AGBL4: variants seen among roughly 807,000 people sequenced by gnomAD.
AGBL4 encodes the protein AGBL carboxypeptidase 4.
In AGBL4, 58 loss-of-function variants were observed where a neutral mutation model predicts 66.4. The observed-to-expected ratio is 0.87, with a 90% confidence interval of 0.71 to 1.09. The LOEUF (loss-of-function observed/expected upper bound fraction) is 1.09, where lower values mean the gene tolerates loss of function less well. AGBL4 is among the 50% of genes least tolerant of loss of function. AGBL4 has a pLI of 0.00. For missense variants in AGBL4, 579 were observed against 631.0 expected (o/e 0.92, Z 0.88); for synonymous variants, 234 against 222.9 (o/e 1.05, Z -0.44).
At chr1:48,845,781 C>T (rs1358272068) in intron 6 of AGBL4, among the ~76,000 whole-genome samples, 2 of 152,158 alleles carry the variant, frequency 1.3e-5, no homozygotes, top group African/African-American at 4.8e-5. Context: ...TTGCTACAGG[C>T]CATGAAACTT....
At chr1:49,113,832 G>A (rs575116792) in intron 4 of AGBL4, among the ~76,000 whole-genome samples, 10 of 152,220 alleles carry the variant, frequency 6.6e-5, no homozygotes, top group Admixed American at 6.5e-4. Flanking sequence ...TATTTTTGAA[G>A]AATTTTTTTT....
chr1:49,382,112 A>C (rs1467762889), intron 3 of AGBL4, among the ~76,000 whole-genome samples: 1 of 152,188 alleles, frequency 6.6e-6, no homozygotes. Context: ...TGGATAAAAA[A>C]GACTTCCACT....
chr1:49,358,910 G>A (rs529243437), intron 3 of AGBL4, among the ~76,000 whole-genome samples: 24 of 152,138 alleles, frequency 1.6e-4, no homozygotes, highest in Non-Finnish European at 3.5e-4. Context: ...CAGTTTATAT[G>A]GGTCTTACAT....
intron 3 of AGBL4, among the ~76,000 whole-genome samples, chr1:49,392,365 T>C (rs1281829200): frequency 6.6e-6 from 1 of 152,190 alleles, no homozygotes; most frequent in Non-Finnish European, 1.5e-5. Context: ...GCCCTCTAAA[T>C]GGCAGCTGTG....
intron 3 of AGBL4, among the ~76,000 whole-genome samples, chr1:49,355,077 C>T (rs946616115): frequency 3.3e-5 from 5 of 152,256 alleles, no homozygotes; most frequent in African/African-American, 4.8e-5. Context: ...ACCATGCAGA[C>T]ACGGGGAGAA....
At chr1:49,005,808 C>A (rs1353687397) in intron 5 of AGBL4, among the ~76,000 whole-genome samples, 2 of 152,086 alleles carry the variant, frequency 1.3e-5, no homozygotes, top group Non-Finnish European at 2.9e-5. Context: ...CAAGACCAGC[C>A]TGACCAACAT....
At chr1:49,347,558 T>C (rs1296973926) in intron 3 of AGBL4, among the ~76,000 whole-genome samples, 1 of 151,958 alleles carries the variant, frequency 6.6e-6, no homozygotes. Context: ...TTTCTTTACT[T>C]TCTTAATAAA....
At chr1:49,586,562 A>T (rs1423178735) in intron 3 of AGBL4, among the ~76,000 whole-genome samples, 2 of 152,204 alleles carry the variant, frequency 1.3e-5, no homozygotes, top group Non-Finnish European at 2.9e-5. Context: ...AGCTTTGCCC[A>T]AATTTATACA....
rs916845577 is a variant in AGBL4 at position 49,470,555 on chromosome 1, A to T, written c.283-224691T>A. On this transcript the variant is annotated intron_variant, in intron 3 of 13. Transcript: ENST00000371839. Reference sequence around the variant, plus strand: ...ACTTGACTCTGGAGGCAGAGCTAGGACACCAGACCAAATTGAGGACTAGCT... The same window carrying T: ...ACTTGACTCTGGAGGCAGAGCTAGGTCACCAGACCAAATTGAGGACTAGCT... Among the ~76,000 whole-genome samples, 11 of 152,128 alleles carry T rather than the reference A, an allele frequency of 7.2e-5. No individual in the cohort carries two copies. In the East Asian group the frequency reaches 2.1e-3, roughly 30 times the overall value.
rs555325826 is a variant in AGBL4 at position 49,461,755 on chromosome 1, G to T, written c.283-215891C>A. ...TCTTCTTGTGTTACTTTGCTGAGAA[G>T]GATGGTTTCCAGTTTCATCCAAGTC... On this transcript the variant is annotated intron_variant, in intron 3 of 13. Transcript: ENST00000371839. Among the ~76,000 whole-genome samples, 3 of 151,412 alleles carry T rather than the reference G, an allele frequency of 2.0e-5. No homozygotes were observed. The South Asian group carries it at 6.2e-4, about 32-fold the overall frequency.
chr1:49,120,169 C>T (rs963198299), intron 4 of AGBL4, among the ~76,000 whole-genome samples: 15 of 152,106 alleles, frequency 9.9e-5, no homozygotes, highest in Non-Finnish European at 1.9e-4. Context: ...AGCATTTAGC[C>T]CATTTACATT....
intron 1 of AGBL4, among the ~76,000 whole-genome samples, chr1:50,007,768 TA>T (rs1442770117): frequency 1.3e-5 from 2 of 151,168 alleles, no homozygotes; most frequent in African/African-American, 2.4e-5. Context: ...CCTGTCCAAA[TA>T]AAAGGGAAAA....
intron 1 of AGBL4, among the ~76,000 whole-genome samples, chr1:49,955,159 T>C (rs1656490652): frequency 2.6e-5 from 4 of 151,960 alleles, no homozygotes; most frequent in Non-Finnish European, 4.4e-5. Flanking sequence ...AATTATTGAA[T>C]CATATAAAAA....
chr1:48,751,957 C>CA (rs1436613084), intron 6 of AGBL4, among the ~76,000 whole-genome samples: 2 of 151,996 alleles, frequency 1.3e-5, no homozygotes, highest in Non-Finnish European at 2.9e-5. Flanking sequence ...GGCAACAGTT[C>CA]AAAAAAAGTC....
intron 6 of AGBL4, among the ~76,000 whole-genome samples, chr1:48,703,684 GAACACACAGGTAGGAA>G (rs1175905267): frequency 1.3e-5 from 2 of 152,118 alleles, no homozygotes; most frequent in Non-Finnish European, 2.9e-5. Flanking sequence ...AGGGTTATGT[GAACACACAGGTAGGAA>G]AACAGGTGGG....
At chr1:49,680,379 T>C (rs1646668832) in intron 3 of AGBL4, among the ~76,000 whole-genome samples, 2 of 151,964 alleles carry the variant, frequency 1.3e-5, no homozygotes, top group Non-Finnish European at 2.9e-5. Flanking sequence ...TTCCTTTCCT[T>C]TTAAGAACTT....
intron 3 of AGBL4, among the ~76,000 whole-genome samples, chr1:49,607,859 T>C (rs1276604988): frequency 6.6e-6 from 1 of 152,168 alleles, no homozygotes; most frequent in Non-Finnish European, 1.5e-5. Flanking sequence ...GAATGTAGCA[T>C]GATTATGTAT....
intron 1 of AGBL4, among the ~76,000 whole-genome samples, chr1:49,928,876 C>T (rs1346553138): frequency 2.0e-5 from 3 of 151,644 alleles, no homozygotes; most frequent in East Asian, 1.9e-4. Context: ...ATATGTTCAT[C>T]GCAGCACTAT....
At chr1:49,999,973 A>C (rs2148417361) in intron 1 of AGBL4, among the ~76,000 whole-genome samples, 1 of 152,330 alleles carries the variant, frequency 6.6e-6, no homozygotes, top group Admixed American at 6.5e-5. Context: ...AAATTCTAGA[A>C]GATAACATCA....
Sources: gnomAD v4.1 joint callset for allele counts (sites outside exome capture counted in the v4.1 genomes callset) on GRCh38, gnomAD v4.1.1 for gene constraint, MANE v1.5 for transcripts, NCBI Gene and HGNC (gene_info 2026-07-23, HGNC 2026-07-21) for gene names.